The following FAM168B variants were observed in gnomAD, a reference collection of about 807,000 sequenced individuals.
The protein encoded by FAM168B is family with sequence similarity 168 member B.
Under a neutral mutation model 21.8 loss-of-function variants are expected in FAM168B, and 19 were observed. The observed-to-expected ratio is 0.87, with a 90% CI of 0.61 to 1.28. The LOEUF (loss-of-function observed/expected upper bound fraction) is 1.28. Ranked by LOEUF, FAM168B falls within the 50% of genes most tolerant of loss-of-function variation. The pLI is 0.00. For synonymous variants in FAM168B, 126 were observed against 104.8 expected, an observed-to-expected ratio of 1.20 and a Z score of -1.24; for missense variants, 233 against 263.1, an observed-to-expected ratio of 0.89 and a Z score of 0.79.
intron 1 of FAM168B, among the ~76,000 whole-genome samples, chr2:131,090,599 C>T (rs1367002259): frequency 6.6e-6 from 1 of 152,050 alleles, no homozygotes; most frequent in African/African-American, 2.4e-5. Context: ...GACTTGGTGG[C>T]AAGTGCCTGT....
chr2:131,071,872 T>C lies in FAM168B; in HGVS notation c.137A>G (p.Asn46Ser), dbSNP rs746029736. The change falls in exon 3 of 7, where the codon AAT (asparagine) becomes AGT (serine). Residue 46 changes from asparagine (N) to serine (S), a missense_variant. Transcript: ENST00000389915. ...GCACATACCTGTTTGGAAGGTAGGA[T>C]TCGCTCCAGGATACATGTTAGGAGA... ...AYSPNMYPGA[N>S]PTFQTGYTPG... is the part of the protein sequence containing the mutation. 6.2e-7 allele frequency: 1 copy of C among 1,614,046 alleles called. No individual in the cohort carries two copies. Among genetic ancestry groups the C allele is most frequent in the Non-Finnish European group, 8.5e-7 (1 of 1,179,970 alleles).
At chr2:131,066,356 T>C (rs1313205591) in intron 3 of FAM168B, among the ~76,000 whole-genome samples, 1 of 152,068 alleles carries the variant, frequency 6.6e-6, no homozygotes, top group Admixed American at 6.5e-5. Flanking sequence ...TCTGTATTTT[T>C]AGTAGAGACG....
At chr2:131,087,272 C>A (rs1453650363) in intron 1 of FAM168B, among the ~76,000 whole-genome samples, 3 of 151,948 alleles carry the variant, frequency 2.0e-5, no homozygotes, top group African/African-American at 7.3e-5. Flanking sequence ...AGTTGGAGAC[C>A]AGCCTAGCCA....
chr2:131,059,798 T>C (rs983715329), intron 3 of FAM168B, among the ~76,000 whole-genome samples: 2 of 152,112 alleles, frequency 1.3e-5, no homozygotes, highest in African/African-American at 4.8e-5. Context: ...ATAAAAAAAA[T>C]TTTTAGGTGT....
chr2:131,052,884 C>A lies in FAM168B; in HGVS notation c.*12+7G>T. 1 of 1,549,532 alleles carries A rather than the reference C, an allele frequency of 6.5e-7. No individual in the cohort carries two copies. The highest frequency in any genetic ancestry group is 1.2e-5 in the South Asian group (1 of 83,994). ...AAAGGCTAGCCCAGCCTTCCCTGGTCACTTACATTTGCAGGTGATCACCAC... is the reference window on the plus strand; with the variant it reads ...AAAGGCTAGCCCAGCCTTCCCTGGTAACTTACATTTGCAGGTGATCACCAC... On this transcript the variant is annotated splice_region_variant and intron_variant, in intron 6 of 6. Coordinates refer to ENST00000389915, the MANE Select transcript of FAM168B (RefSeq NM_001009993.4).
intron 2 of FAM168B, among the ~76,000 whole-genome samples, chr2:131,078,756 A>AGGTGG (rs1258108510): frequency 1.3e-5 from 2 of 152,038 alleles, no homozygotes; most frequent in Non-Finnish European, 2.9e-5. Flanking sequence ...TGGGAGGCTG[A>AGGTGG]GGTGGGATGA....
chr2:131,052,540 G>A (rs985321117), intron 6 of FAM168B, 88 bp from the exon 7 acceptor site: 50 of 1,009,140 alleles, frequency 5.0e-5, no homozygotes, highest in Middle Eastern at 9.5e-4. Context: ...GCCCAGCAGG[G>A]TCGGAAAGGG....
At chr2:131,088,659 T>G (rs1221736878) in intron 1 of FAM168B, among the ~76,000 whole-genome samples, 3 of 152,164 alleles carry the variant, frequency 2.0e-5, no homozygotes, top group African/African-American at 7.2e-5. Context: ...TACAATAAAG[T>G]ATATAAAGTC....
At chr2:131,075,277 A>C (rs1392547278) in intron 2 of FAM168B, among the ~76,000 whole-genome samples, 1 of 146,002 alleles carries the variant, frequency 6.8e-6, no homozygotes, top group Non-Finnish European at 1.5e-5. Flanking sequence ...CCTTCTTTTA[A>C]AAAAAAAAAA....
chr2:131,048,967 T>C lies in FAM168B; in HGVS notation c.*3498A>G, dbSNP rs1308407778. Reference sequence around the variant, plus strand: ...GTGAAGGTGGCCCAACTGCTCAGAGTAACACTGTTCTCAAATGTTTAAAAA... The same window carrying C: ...GTGAAGGTGGCCCAACTGCTCAGAGCAACACTGTTCTCAAATGTTTAAAAA... On this transcript the variant is annotated 3_prime_UTR_variant, in exon 7 of 7. Transcript: ENST00000389915. The C allele has an allele frequency of 2.0e-6, 2 of 985,678 alleles. No homozygotes were observed. The highest frequency in any genetic ancestry group is 2.4e-6 in the Non-Finnish European group (2 of 829,956). 61.1% of individuals were successfully genotyped at this position (985,678 alleles called of 1,614,324 possible).
rs574334301 is a variant in FAM168B at position 131,050,169 on chromosome 2, G to A, written c.*2296C>T. ...CACTCTTTAAAACACCATCCTGTGTGTGCCAAGTACCAAGCAAGCCTGAAG... is the reference window on the plus strand; with the variant it reads ...CACTCTTTAAAACACCATCCTGTGTATGCCAAGTACCAAGCAAGCCTGAAG... On this transcript the variant is annotated 3_prime_UTR_variant, in exon 7 of 7. Transcript: ENST00000389915. 1.0e-5 allele frequency: 10 copies of A among 985,456 alleles called. 1 individual carries two copies. In the South Asian group the frequency reaches 3.8e-4, roughly 37 times the overall value. 61.0% of individuals were successfully genotyped at this position (985,456 alleles called of 1,614,324 possible).
At chr2:131,067,989 T>TA (rs748525954) in intron 3 of FAM168B, among the ~76,000 whole-genome samples, 2 of 152,050 alleles carry the variant, frequency 1.3e-5, no homozygotes, top group Non-Finnish European at 2.9e-5. Context: ...AAAAAGGCTG[T>TA]AACTGTACCA....
In FAM168B at chr2:131,050,434, G is replaced by A. The variant is rs1691588578; in HGVS notation, c.*2031C>T. 2 of 985,802 alleles carry A rather than the reference G, an allele frequency of 2.0e-6. No individual in the cohort carries two copies. The highest frequency in any genetic ancestry group is 2.4e-6 in the Non-Finnish European group (2 of 829,936). 61.1% of individuals were successfully genotyped at this position (985,802 alleles called of 1,614,324 possible). A position where few individuals can be genotyped will look rare whatever the true frequency, so the allele number is the denominator to read the frequency against. On this transcript the variant is annotated 3_prime_UTR_variant, in exon 7 of 7. Transcript: ENST00000389915. ...CCTGCCAACCATCCACTAAACAGAT[G>A]GAATTACCAACAGAGACTTGAAGAA...
chr2:131,049,108 C>A lies in FAM168B; in HGVS notation c.*3357G>T, dbSNP rs141239119. ...ACTCACAGGTGCCTTACATACCTTA[C>A]GGGGGCCAACACTGACAGGTATTAG... is the stretch of plus-strand genomic sequence containing the variant. On this transcript the variant is annotated 3_prime_UTR_variant, in exon 7 of 7. Coordinates refer to ENST00000389915, the MANE Select transcript of FAM168B (RefSeq NM_001009993.4). 8 of 985,434 alleles carry A rather than the reference C, an allele frequency of 8.1e-6. No homozygotes were observed. Among genetic ancestry groups the A allele is most frequent in the South Asian group, 9.4e-5 (2 of 21,286 alleles). The allele number at this position is 985,434 out of a possible 1,614,324, so 61.0% of individuals were successfully genotyped here. A position where few individuals can be genotyped will look rare whatever the true frequency, so the allele number is the denominator to read the frequency against.
rs70994735 is a variant in FAM168B at position 131,087,063 on chromosome 2, C to CAAAAAAAAAAAAAAAAAA, written c.-11-4424_-11-4407dup. Among the ~76,000 whole-genome samples, 7 of 40,666 alleles carry CAAAAAAAAAAAAAAAAAA rather than the reference C, an allele frequency of 1.7e-4. No homozygotes were observed. The African/African-American group carries it at 1.9e-3, about 11-fold the overall frequency. 26.7% of individuals were successfully genotyped at this position (40,666 alleles called of 152,430 possible). On this transcript the variant is annotated intron_variant, in intron 1 of 6. Coordinates refer to ENST00000389915, the MANE Select transcript of FAM168B (RefSeq NM_001009993.4). ...CCTGGGCGACAGCGAGACTCCGTCT[C>CAAAAAAAAAAAAAAAAAA]AAAAAAAAAAAAAAAAAAAAAAGAG... is the stretch of plus-strand genomic sequence containing the variant.
At position 131,048,147 on chromosome 2, in the gene FAM168B, G is replaced by A; in HGVS notation, c.*4318C>T. ...GCTTAAAAAAAGTACCGAGAGAACG[G>A]TGTAAAAAACGGTATTTAAAAATCA... On this transcript the variant is annotated 3_prime_UTR_variant, in exon 7 of 7. Transcript: ENST00000389915. 8.1e-7 allele frequency: 1 copy of A among 1,230,904 alleles called. No homozygotes were observed. The highest frequency in any genetic ancestry group is 1.4e-5 in the South Asian group (1 of 71,818). The allele number at this position is 1,230,904 out of a possible 1,614,324, so 76.2% of individuals were successfully genotyped here. A position where few individuals can be genotyped will look rare whatever the true frequency, so the allele number is the denominator to read the frequency against.
intron 1 of FAM168B, among the ~76,000 whole-genome samples, chr2:131,092,393 TG>T (rs1694079276): frequency 6.6e-6 from 1 of 152,238 alleles, no homozygotes; most frequent in Non-Finnish European, 1.5e-5. Flanking sequence ...AAATGTGTCC[TG>T]TTTTTGCCAA....
intron 5 of FAM168B, 124 bp downstream of exon 5, chr2:131,055,148 T>C (rs1307502412): frequency 7.3e-6 from 7 of 962,304 alleles, no homozygotes; most frequent in Non-Finnish European, 9.9e-6. Context: ...CAAAGAATTT[T>C]CTGTCCTTCC....
At chr2:131,055,901 G>A (rs1315053837) in intron 3 of FAM168B, among the ~76,000 whole-genome samples, 1 of 152,182 alleles carries the variant, frequency 6.6e-6, no homozygotes, top group Non-Finnish European at 1.5e-5. Flanking sequence ...GTGGTGGCAG[G>A]GTGTTGGGGA....
Sources: allele counts gnomAD v4.1 joint callset (sites outside exome capture counted in the v4.1 genomes callset), GRCh38; gene constraint gnomAD v4.1.1; transcripts MANE v1.5; gene names NCBI Gene and HGNC (gene_info 2026-07-23, HGNC 2026-07-21).